Variants in TNKS observed in about 807,000 individuals in gnomAD.
TNKS encodes poly [ADP-ribose] polymerase tankyrase-1.
Under a neutral mutation model 135.8 loss-of-function variants are expected in TNKS, and 72 were observed. That is an observed-to-expected ratio of 0.53 (90% CI 0.44 to 0.64). The LOEUF (loss-of-function observed/expected upper bound fraction) is 0.64, where lower values mean the gene tolerates loss of function less well. TNKS is among the 30% of genes least tolerant of loss of function. TNKS has a pLI of 0.00. For missense variants in TNKS, 1,769 were observed against 1,674.0 expected (o/e 1.06, Z -0.99); for synonymous variants, 849 against 649.3 (o/e 1.31, Z -4.68).
intron 3 of TNKS, among the ~76,000 whole-genome samples, chr8:9,664,432 C>G (rs1232180305): frequency 6.6e-6 from 1 of 152,196 alleles, no homozygotes; most frequent in Non-Finnish European, 1.5e-5. Flanking sequence ...CTCCATGACT[C>G]AGACACCTCT....
chr8:9,685,058 A>C (rs1383498896), intron 5 of TNKS, among the ~76,000 whole-genome samples: 2 of 152,188 alleles, frequency 1.3e-5, no homozygotes, highest in Non-Finnish European at 2.9e-5. Flanking sequence ...ATTTTAATTC[A>C]GAAAACTTAA....
At chr8:9,651,311 A>G (rs1362871014) in intron 3 of TNKS, among the ~76,000 whole-genome samples, 1 of 152,222 alleles carries the variant, frequency 6.6e-6, no homozygotes, top group African/African-American at 2.4e-5. Flanking sequence ...TTCAACCAGC[A>G]TAATAACTTT....
intron 3 of TNKS, among the ~76,000 whole-genome samples, chr8:9,628,516 C>CT (rs61035679): frequency 0.02 from 2,939 of 149,202 alleles, 81 homozygotes; most frequent in African/African-American, 0.068. Flanking sequence ...ATTCCTCCTG[C>CT]TTTTTTTTTT....
chr8:9,684,523 C>T (rs1248158653), intron 5 of TNKS, among the ~76,000 whole-genome samples: 1 of 151,974 alleles, frequency 6.6e-6, no homozygotes, highest in Non-Finnish European at 1.5e-5. Flanking sequence ...TTATCCATTC[C>T]TCATCTTAAT....
intron 2 of TNKS, among the ~76,000 whole-genome samples, chr8:9,597,902 A>G (rs943991687): frequency 6.6e-6 from 1 of 152,190 alleles, no homozygotes; most frequent in African/African-American, 2.4e-5. Flanking sequence ...ATTCAGAACA[A>G]TTGATAATAG....
At chr8:9,565,948 G>A (rs902486116) in intron 1 of TNKS, among the ~76,000 whole-genome samples, 3 of 152,082 alleles carry the variant, frequency 2.0e-5, no homozygotes, top group Admixed American at 1.3e-4. Context: ...GTGTCTACAT[G>A]TATATAACTT....
intron 21 of TNKS, 100 bp from the exon 22 acceptor site, chr8:9,763,047 C>T (rs996625733): frequency 1.7e-5 from 9 of 522,572 alleles, no homozygotes; most frequent in African/African-American, 4.0e-5. Context: ...TCCAAAACCT[C>T]AATTACTTAT....
intron 2 of TNKS, among the ~76,000 whole-genome samples, chr8:9,601,930 G>A (rs939983031): frequency 6.6e-6 from 1 of 152,092 alleles, no homozygotes; most frequent in South Asian, 2.1e-4. Context: ...AAAGCGTTCA[G>A]AGGCCCGGGA....
intron 3 of TNKS, among the ~76,000 whole-genome samples, chr8:9,631,374 G>C (rs558443603): frequency 6.6e-6 from 1 of 152,250 alleles, no homozygotes; most frequent in South Asian, 2.1e-4. Context: ...ATTGAGTTAT[G>C]ATTTTTGTGA....
intron 3 of TNKS, among the ~76,000 whole-genome samples, chr8:9,639,098 C>T (rs1357982491): frequency 6.6e-6 from 1 of 152,124 alleles, no homozygotes; most frequent in Non-Finnish European, 1.5e-5. Flanking sequence ...AGACTTTTAT[C>T]ATCATACTCT....
chr8:9,580,458 T>C, intron 2 of TNKS, 75 bp downstream of exon 2: 1 of 1,339,246 alleles, frequency 7.5e-7, no homozygotes, highest in Non-Finnish European at 1.0e-6. Flanking sequence ...AAATAGTGTT[T>C]CCTGAGAATA....
intron 1 of TNKS, among the ~76,000 whole-genome samples, chr8:9,566,802 G>A (rs1338056601): frequency 6.6e-6 from 1 of 151,186 alleles, no homozygotes; most frequent in East Asian, 1.9e-4. Flanking sequence ...TAGAGACGGG[G>A]TTTCACCTTG....
intron 3 of TNKS, among the ~76,000 whole-genome samples, chr8:9,664,308 T>G (rs1490502318): frequency 6.6e-6 from 1 of 151,816 alleles, no homozygotes; most frequent in Non-Finnish European, 1.5e-5. Context: ...GAGAGGGAGG[T>G]GCCAGGCTGT....
At chr8:9,755,955 T>C (rs559780950) in intron 20 of TNKS, among the ~76,000 whole-genome samples, 25 of 152,224 alleles carry the variant, frequency 1.6e-4, no homozygotes, top group Non-Finnish European at 2.8e-4. Context: ...TTGAATAATA[T>C]AGTATCCTTT....
At chr8:9,660,604 T>C (rs1425394844) in intron 3 of TNKS, among the ~76,000 whole-genome samples, 5 of 152,176 alleles carry the variant, frequency 3.3e-5, no homozygotes, top group Non-Finnish European at 4.4e-5. Flanking sequence ...ATAAGAGCTA[T>C]CTATGACAAA....
intron 3 of TNKS, among the ~76,000 whole-genome samples, chr8:9,678,965 T>C (rs1802658486): frequency 6.6e-6 from 1 of 152,206 alleles, no homozygotes; most frequent in Non-Finnish European, 1.5e-5. Flanking sequence ...GGCTGTTCTT[T>C]TTATTTACTG....
rs557741135 is a variant in TNKS, at chr8:9,748,083, G to T, written c.2703G>T (p.Lys901Asn). ...ACACGTGTGTAAATGCAACAGATAA[G>T]TGGGCGTTTACTCCCCTCCATGAAG... Reference protein sequence around the residue: ...KYNTCVNATDKWAFTPLHEAA... With the variant: ...KYNTCVNATDNWAFTPLHEAA... Residue 901 changes from lysine (K) to asparagine (N), a missense_variant, in exon 18 of 27, where the codon AAG (lysine) becomes AAT (asparagine). Lys to Asn is a moderately conservative substitution (Grantham distance 94, BLOSUM62 0). Around this residue, in one of 5 missense-constraint regions of TNKS, gnomAD observed 722 missense variants for 688.9 expected, o/e 1.05. Coordinates refer to ENST00000310430, the MANE Select transcript of TNKS (RefSeq NM_003747.3). 4 of 1,613,832 alleles carry T rather than the reference G, an allele frequency of 2.5e-6. No individual in the cohort carries two copies. Among genetic ancestry groups the T allele is most frequent in the Non-Finnish European group, 3.4e-6 (4 of 1,179,956 alleles).
intron 2 of TNKS, among the ~76,000 whole-genome samples, chr8:9,600,425 C>T (rs1371534079): frequency 6.6e-6 from 1 of 152,048 alleles, no homozygotes; most frequent in East Asian, 1.9e-4. Flanking sequence ...GTGATCCTCC[C>T]ACTTCAGCTT....
chr8:9,738,584 A>G (rs1805763774), intron 17 of TNKS, among the ~76,000 whole-genome samples: 1 of 32,866 alleles, frequency 3.0e-5, no homozygotes, highest in African/African-American at 1.5e-4. Context: ...CGTCCCAGAG[A>G]TTCTGGTATG....
Sources: gnomAD v4.1 joint callset for allele counts (sites outside exome capture counted in the v4.1 genomes callset) on GRCh38, gnomAD v4.1.1 for gene constraint, gnomAD v4.1.1 regional missense constraint, MANE v1.5 for transcripts, NCBI Gene and HGNC (gene_info 2026-07-23, HGNC 2026-07-21) for gene names.